The following RERE variants were observed in gnomAD, a reference collection of about 807,000 sequenced individuals.
The protein encoded by RERE is arginine-glutamic acid dipeptide repeats, also known as arginine-glutamic acid dipeptide repeats protein.
RERE carries 40 observed loss-of-function variants against 146.1 expected under a neutral mutation model. The ratio of observed to expected loss-of-function variants is 0.27; its 90% CI spans 0.21 to 0.36. RERE has a LOEUF of 0.36. Among genes scored for constraint, RERE ranks in the 10% least tolerant of loss-of-function variants. RERE has a pLI of 1.00. For synonymous variants in RERE, 1,003 were observed against 866.0 expected, an observed-to-expected ratio of 1.16 and a Z score of -2.78; for missense variants, 1,933 against 2,138.7, an observed-to-expected ratio of 0.90 and a Z score of 1.90.
At chr1:8,465,831 G>A (rs746512904) in intron 11 of RERE, 94 bp downstream of exon 11, 2 of 1,041,926 alleles carry the variant, frequency 1.9e-6, no homozygotes, top group Admixed American at 3.6e-5. Flanking sequence ...CATGACTGAA[G>A]CTTCTGCTTT....
intron 11 of RERE, among the ~76,000 whole-genome samples, chr1:8,464,042 A>G (rs1351162313): frequency 6.6e-6 from 1 of 152,246 alleles, no homozygotes; most frequent in Non-Finnish European, 1.5e-5. Flanking sequence ...GCTTACAGTA[A>G]AAAAACAGTA....
chr1:8,658,306 C>T (rs1369895967), intron 1 of RERE, among the ~76,000 whole-genome samples: 2 of 152,166 alleles, frequency 1.3e-5, no homozygotes, highest in African/African-American at 4.8e-5. Flanking sequence ...TCAAATGCAA[C>T]AAAAGGAGGC....
At chr1:8,355,229 G>T (rs545020052) in intron 22 of RERE, 109 bp from the exon 23 acceptor site, 44 of 1,264,194 alleles carry the variant, frequency 3.5e-5, no homozygotes, top group Middle Eastern at 1.9e-4. Flanking sequence ...CCCCAAGCCC[G>T]CAGCCTCCTG....
intron 1 of RERE, among the ~76,000 whole-genome samples, chr1:8,660,142 TTAATAATC>T (rs1271952441): frequency 6.6e-6 from 1 of 152,160 alleles, no homozygotes; most frequent in Non-Finnish European, 1.5e-5. Context: ...AGTATGAACA[TTAATAATC>T]TAAGCAAAAG....
At chr1:8,550,127 G>A (rs186641218) in intron 6 of RERE, among the ~76,000 whole-genome samples, 40 of 152,302 alleles carry the variant, frequency 2.6e-4, no homozygotes, top group Admixed American at 2.5e-3. Flanking sequence ...TGGGAGGTTA[G>A]GGGAGGGATA....
At chr1:8,609,105 C>A (rs1268337600) in intron 4 of RERE, among the ~76,000 whole-genome samples, 1 of 152,028 alleles carries the variant, frequency 6.6e-6, no homozygotes, top group Admixed American at 6.6e-5. Context: ...GTAATCTCAG[C>A]TACTCAGGAG....
Position 8,709,739 on chromosome 1 carries a change from G to A in RERE, c.-144-53298C>T, listed in dbSNP as rs182954813. ...TATTATATAACAAGCCCCTTATTGA[G>A]TCTTTTTCACATTTTTTACTCTTAT... On this transcript the variant is annotated intron_variant, in intron 1 of 22. Coordinates refer to ENST00000400908, the MANE Select transcript of RERE (RefSeq NM_001042681.2). 1.2e-4 allele frequency among the ~76,000 whole-genome samples: 19 copies of A among 152,190 alleles called. 1 individual carries two copies. The highest frequency in any genetic ancestry group is 1.1e-3 in the Admixed American group (17 of 15,290).
rs188965240 is a variant in RERE, at chr1:8,359,350, C to T, written c.3618+414G>A. 3.6e-4 allele frequency among the ~76,000 whole-genome samples: 55 copies of T among 152,344 alleles called. 2 individuals are homozygous for T. The East Asian group carries it at 0.01, about 28-fold the overall frequency. On this transcript the variant is annotated intron_variant, in intron 19 of 22. Transcript: ENST00000400908. The stretch of plus-strand genomic sequence containing the variant: ...CCACAGCACCCAGCCCACGAGGGGG[C>T]CACAAAGGCAGGGCAGCTGGAGAGG...
chr1:8,610,755 A>G (rs1288464679), intron 4 of RERE, among the ~76,000 whole-genome samples: 1 of 152,166 alleles, frequency 6.6e-6, no homozygotes, highest in Non-Finnish European at 1.5e-5. Flanking sequence ...TTTGTCATAG[A>G]TAGTATTATT....
chr1:8,608,011 C>A (rs1570505282), intron 4 of RERE, among the ~76,000 whole-genome samples: 2 of 152,238 alleles, frequency 1.3e-5, no homozygotes, highest in East Asian at 3.9e-4. Context: ...TAGGTGTGAG[C>A]CACCACACCC....
At chr1:8,795,599 G>A (rs1403059143) in intron 1 of RERE, among the ~76,000 whole-genome samples, 4 of 152,236 alleles carry the variant, frequency 2.6e-5, no homozygotes, top group African/African-American at 9.6e-5. Flanking sequence ...TGGACTCTAG[G>A]TCTTCTCATG....
chr1:8,392,309 CA>C (rs770148342), intron 12 of RERE, among the ~76,000 whole-genome samples: 1 of 151,800 alleles, frequency 6.6e-6, no homozygotes, highest in Non-Finnish European at 1.5e-5. Flanking sequence ...ACAAAATACA[CA>C]ATTGAAAAAA....
In RERE at chr1:8,551,642, TG is replaced by T. The variant is rs1301280320; in HGVS notation, c.725+4832del. Among the ~76,000 whole-genome samples, 10 of 152,344 alleles carry T rather than the reference TG, an allele frequency of 6.6e-5. No individual in the cohort carries two copies. The East Asian group carries it at 1.7e-3, about 26-fold the overall frequency. ...AACTCAGCAGAAATTCAATGAGCTA[TG>T]GAGTGTACTACACATGTTACTAGGG... On this transcript the variant is annotated intron_variant, in intron 6 of 22. Coordinates refer to ENST00000400908, the MANE Select transcript of RERE (RefSeq NM_001042681.2).
intron 12 of RERE, among the ~76,000 whole-genome samples, chr1:8,392,327 A>G (rs986931506): frequency 1.3e-5 from 2 of 152,222 alleles, no homozygotes; most frequent in African/African-American, 4.8e-5. Context: ...AAAATAAAAA[A>G]AGGTGAATCT....
At chr1:8,448,126 G>A (rs114532503) in intron 11 of RERE, among the ~76,000 whole-genome samples, 2,074 of 152,260 alleles carry the variant, frequency 0.014, 48 homozygotes, top group African/African-American at 0.047. Flanking sequence ...TTGAGGTGGG[G>A]AGTTCCTGTC....
intron 4 of RERE, among the ~76,000 whole-genome samples, chr1:8,570,096 T>C (rs1418669004): frequency 6.6e-6 from 1 of 152,082 alleles, no homozygotes; most frequent in Non-Finnish European, 1.5e-5. Flanking sequence ...CCCAGCACTT[T>C]GGGAGACTGA....
chr1:8,700,917 A>G (rs1639432268), intron 1 of RERE, among the ~76,000 whole-genome samples: 1 of 152,172 alleles, frequency 6.6e-6, no homozygotes, highest in African/African-American at 2.4e-5. Flanking sequence ...AATTTCCTCA[A>G]AATCAAAAAT....
At chr1:8,710,925 G>A (rs961091468) in intron 1 of RERE, among the ~76,000 whole-genome samples, 1 of 152,006 alleles carries the variant, frequency 6.6e-6, no homozygotes, top group African/African-American at 2.4e-5. Context: ...GGGAGGCCAA[G>A]GCGGGTGGAT....
At chr1:8,433,198 T>TA (rs1362553474) in intron 11 of RERE, among the ~76,000 whole-genome samples, 1 of 152,216 alleles carries the variant, frequency 6.6e-6, no homozygotes, top group Non-Finnish European at 1.5e-5. Context: ...GATGGGTGTC[T>TA]AGGCCTCCAC....
Sources: gnomAD v4.1 joint callset for allele counts (sites outside exome capture counted in the v4.1 genomes callset) on GRCh38, gnomAD v4.1.1 for gene constraint, MANE v1.5 for transcripts, NCBI Gene and HGNC (gene_info 2026-07-23, HGNC 2026-07-21) for gene names.